JAKMIP3: variants seen among roughly 807,000 people sequenced by gnomAD.
JAKMIP3 encodes janus kinase and microtubule-interacting protein 3.
JAKMIP3 carries 58 observed loss-of-function variants against 118.5 expected under a neutral mutation model. The ratio of observed to expected loss-of-function variants is 0.49; its 90% CI spans 0.40 to 0.61. JAKMIP3 has a LOEUF of 0.61. Among genes scored for constraint, JAKMIP3 ranks in the 20% least tolerant of loss-of-function variants. The pLI is 0.00. For synonymous variants in JAKMIP3, 486 were observed against 451.2 expected (o/e 1.08, Z -0.98); for missense variants, 950 against 1,109.0 (o/e 0.86, Z 2.04).
intron 3 of JAKMIP3, among the ~76,000 whole-genome samples, chr10:132,131,843 C>G (rs1157383570): frequency 1.3e-5 from 2 of 152,120 alleles, no homozygotes; most frequent in African/African-American, 4.8e-5. Context: ...GTGTGCCGCC[C>G]CCCACCCACA....
intron 23 of JAKMIP3, among the ~76,000 whole-genome samples, chr10:132,172,040 C>T (rs2059541941): frequency 6.6e-6 from 1 of 152,196 alleles, no homozygotes; most frequent in Non-Finnish European, 1.5e-5. Flanking sequence ...TTCCTCCTGG[C>T]AAATGCTCCT....
chr10:132,078,641 T>G (rs2041253397), intron 1 of JAKMIP3, among the ~76,000 whole-genome samples: 1 of 151,570 alleles, frequency 6.6e-6, no homozygotes, highest in Non-Finnish European at 1.5e-5. Context: ...GGGGTCCCGT[T>G]TCTGGCCATG....
intron 23 of JAKMIP3, among the ~76,000 whole-genome samples, chr10:132,181,740 T>G (rs1414482825): frequency 2.0e-5 from 3 of 152,214 alleles, no homozygotes; most frequent in Non-Finnish European, 4.4e-5. Context: ...AAAAAGCTCT[T>G]CAGACCTCTC....
intron 14 of JAKMIP3, 104 bp downstream of exon 14, chr10:132,148,154 A>ACATGAG: frequency 2.9e-6 from 2 of 691,222 alleles, no homozygotes; most frequent in Non-Finnish European, 2.4e-6. Flanking sequence ...ATGAACATGA[A>ACATGAG]CATGAACCCA....
intron 1 of JAKMIP3, among the ~76,000 whole-genome samples, chr10:132,072,363 A>C (rs2040097352): frequency 6.6e-6 from 1 of 151,956 alleles, no homozygotes. Context: ...TGGGTAACAT[A>C]GTGAAACCCA....
chr10:132,097,856 GC>G (rs1254712818), intron 1 of JAKMIP3, among the ~76,000 whole-genome samples: 6 of 81,812 alleles, frequency 7.3e-5, no homozygotes, highest in African/African-American at 2.3e-4. Context: ...CACAGAGATT[GC>G]CCTTCCTTCC....
intron 1 of JAKMIP3, among the ~76,000 whole-genome samples, chr10:132,057,516 G>A (rs1268608531): frequency 6.6e-6 from 1 of 152,168 alleles, no homozygotes; most frequent in Non-Finnish European, 1.5e-5. Context: ...ACGCTGCCCC[G>A]CCGGTTAGTG....
chr10:132,158,643 A>T (rs375443097), intron 19 of JAKMIP3, among the ~76,000 whole-genome samples: 281 of 117,776 alleles, frequency 2.4e-3, no homozygotes, highest in African/African-American at 6.1e-3. Flanking sequence ...TCTTCCTGTG[A>T]GATGCTGTGG....
chr10:132,103,054 G>A (rs1179598089), intron 1 of JAKMIP3, among the ~76,000 whole-genome samples: 2 of 151,824 alleles, frequency 1.3e-5, no homozygotes, highest in Non-Finnish European at 2.9e-5. Context: ...TGGGGGTGGG[G>A]GCTGTGTTCA....
chr10:132,087,468 G>T (rs1285067436), intron 1 of JAKMIP3, among the ~76,000 whole-genome samples: 2 of 152,188 alleles, frequency 1.3e-5, no homozygotes, highest in East Asian at 3.9e-4. Flanking sequence ...CAGACTTTTA[G>T]ATTTCTCTTC....
In JAKMIP3 at chr10:132,138,175, C is replaced by T. The variant is rs1444386015; in HGVS notation, c.1341C>T (p.Pro447=). ...RKQRKKMAKL[P]KPVVVETFFG... ...AAAGAAAGAAAATGGCAAAACTTCC[C>T]AAGGTAAGGAACAGCACACCGGCAC... The change falls in exon 9 of 24, where the codon CCC becomes CCT. Residue 447 remains proline (P), a synonymous_variant. Transcript: ENST00000684848. 4 of 1,609,850 alleles carry T rather than the reference C, an allele frequency of 2.5e-6. No individual in the cohort carries two copies. The Admixed American group carries it at 5.0e-5, about 20-fold the overall frequency.
At chr10:132,181,366 G>A (rs2061450253) in intron 23 of JAKMIP3, 2 of 152,234 alleles carry the variant, frequency 1.3e-5, no homozygotes, top group Admixed American at 1.3e-4. Flanking sequence ...GGCATTGACA[G>A]GGTGGGAGTG....
chr10:132,140,489 G>C lies in JAKMIP3; in HGVS notation c.1383G>C (p.Glu461Asp), dbSNP rs2053273026. 1.9e-6 allele frequency: 3 copies of C among 1,613,928 alleles called. No homozygotes were observed. Among genetic ancestry groups the C allele is most frequent in the Non-Finnish European group, 2.5e-6 (3 of 1,179,874 alleles). The change falls in exon 10 of 24, where the codon GAG becomes GAC. Residue 461 changes from glutamate to aspartate, a missense_variant. Glu to Asp is a conservative substitution (Grantham distance 45, BLOSUM62 2). Transcript: ENST00000684848. ...AGACCTTCTTTGGATACGACGAAGA[G>C]GCTTCCCTGGAATCCGACGGCTCCT... ...VVETFFGYDE[E>D]ASLESDGSSV...
intron 12 of JAKMIP3, among the ~76,000 whole-genome samples, 162 bp downstream of exon 12, chr10:132,145,352 C>T (rs1391475178): frequency 2.6e-5 from 4 of 152,328 alleles, no homozygotes; most frequent in African/African-American, 9.6e-5. Context: ...TAGCTGGGAC[C>T]ACAGGCATGT....
intron 1 of JAKMIP3, among the ~76,000 whole-genome samples, chr10:132,079,993 G>C (rs1477228654): frequency 6.6e-6 from 1 of 152,224 alleles, no homozygotes; most frequent in Non-Finnish European, 1.5e-5. Context: ...GGACAAATGT[G>C]TCTTCCAGAC....
At chr10:132,159,425 C>T (rs1275972613) in intron 19 of JAKMIP3, among the ~76,000 whole-genome samples, 14 of 77,678 alleles carry the variant, frequency 1.8e-4, no homozygotes, top group African/African-American at 3.1e-4. Context: ...CTGTGGATGC[C>T]GGGGGTGTGT....
intron 1 of JAKMIP3, among the ~76,000 whole-genome samples, chr10:132,067,513 C>T (rs542051405): frequency 6.6e-6 from 1 of 152,374 alleles, no homozygotes; most frequent in Admixed American, 6.5e-5. Flanking sequence ...TGTGCCTCTG[C>T]CCCCGTATTT....
At chr10:132,110,990 T>C (rs1368010481) in intron 2 of JAKMIP3, among the ~76,000 whole-genome samples, 1 of 152,240 alleles carries the variant, frequency 6.6e-6, no homozygotes, top group Non-Finnish European at 1.5e-5. Flanking sequence ...TGATGCCTGT[T>C]CTGGGGTTTG....
chr10:132,113,394 A>G (rs2047158765), intron 2 of JAKMIP3, among the ~76,000 whole-genome samples: 1 of 152,132 alleles, frequency 6.6e-6, no homozygotes, highest in Non-Finnish European at 1.5e-5. Flanking sequence ...TGTGACAGTG[A>G]CTCCACTGTT....
Sources: gnomAD v4.1 joint callset for allele counts (sites outside exome capture counted in the v4.1 genomes callset) on GRCh38, gnomAD v4.1.1 for gene constraint, MANE v1.5 for transcripts, NCBI Gene and HGNC (gene_info 2026-07-23, HGNC 2026-07-21) for gene names.